The following SLC9C1 variants were observed in gnomAD, a reference collection of about 807,000 sequenced individuals.
The protein encoded by SLC9C1 is sodium/hydrogen exchanger 10.
In SLC9C1, 97 loss-of-function variants were observed where a neutral mutation model predicts 140.9. The ratio of observed to expected loss-of-function variants is 0.69; its 90% CI spans 0.58 to 0.82. SLC9C1 has a LOEUF of 0.82. SLC9C1 is among the 40% of genes least tolerant of loss of function. The pLI, the probability that SLC9C1 is intolerant of heterozygous loss-of-function variation, is 0.00. For missense variants in SLC9C1, 1,340 were observed against 1,389.3 expected, an observed-to-expected ratio of 0.96 and a Z score of 0.56; for synonymous variants, 440 against 442.6, an observed-to-expected ratio of 0.99 and a Z score of 0.07.
chr3:112,209,122 G>C (rs1157612134), intron 15 of SLC9C1, among the ~76,000 whole-genome samples: 1 of 152,112 alleles, frequency 6.6e-6, no homozygotes, highest in Non-Finnish European at 1.5e-5. Context: ...ATTGCCGATT[G>C]AAGACTGGGT....
intron 14 of SLC9C1, among the ~76,000 whole-genome samples, chr3:112,220,065 A>C (rs2078498742): frequency 6.6e-6 from 1 of 152,158 alleles, no homozygotes; most frequent in African/African-American, 2.4e-5. Flanking sequence ...AAAGCATTGG[A>C]AGTGCCTGGA....
intron 20 of SLC9C1, 106 bp from the exon 21 acceptor site, chr3:112,182,364 T>C (rs2077454706): frequency 2.5e-6 from 3 of 1,221,846 alleles, no homozygotes; most frequent in South Asian, 2.4e-5. Context: ...ATTTGACATT[T>C]TTCTTCTTCC....
intron 13 of SLC9C1, among the ~76,000 whole-genome samples, chr3:112,231,053 A>G (rs761131142): frequency 1.3e-5 from 2 of 152,182 alleles, no homozygotes; most frequent in Non-Finnish European, 2.9e-5. Context: ...CCAATTCTTC[A>G]TAAATAAATC....
intron 20 of SLC9C1, among the ~76,000 whole-genome samples, chr3:112,184,622 C>T (rs1446427940): frequency 2.6e-5 from 4 of 152,178 alleles, no homozygotes; most frequent in East Asian, 1.9e-4. Flanking sequence ...GGCGACAGAG[C>T]GAGACTCCAT....
chr3:112,288,126 ACACACACG>A (rs2080572647), intron 1 of SLC9C1, among the ~76,000 whole-genome samples: 2 of 151,378 alleles, frequency 1.3e-5, no homozygotes, highest in South Asian at 4.1e-4. Context: ...TCAGTTTCAT[ACACACACG>A]CACACACACA....
At chr3:112,161,999 T>C (rs1465942400) in intron 26 of SLC9C1, among the ~76,000 whole-genome samples, 1 of 152,166 alleles carries the variant, frequency 6.6e-6, no homozygotes, top group African/African-American at 2.4e-5. Context: ...CCTTGTAAGT[T>C]GGATTCCTAG....
intron 4 of SLC9C1, 23 bp from the exon 5 acceptor site, chr3:112,277,883 G>A (rs9809174): frequency 0.28 from 437,585 of 1,567,460 alleles, 62,378 homozygotes; most frequent in Admixed American, 0.37. Flanking sequence ...TTTACAATTA[G>A]AAAAATCAGA....
In SLC9C1 at chr3:112,217,449, G is replaced by A. The variant is rs757399240; in HGVS notation, c.1783C>T (p.Pro595Ser). Reference sequence around the variant, plus strand: ...AGGTTCAAAAGCACTTACTTTGATGGGCCCTCTTTTTCCTTTCTGGTATTA... The same window carrying A: ...AGGTTCAAAAGCACTTACTTTGATGAGCCCTCTTTTTCCTTTCTGGTATTA... The part of the protein sequence containing the change: ...VYNTRKEKEG[P>S]SKYFFFRICH... The change falls in exon 15 of 29, where the codon CCA becomes TCA. Residue 595 changes from proline (P) to serine (S), a missense_variant. By Grantham distance (74) the Pro-to-Ser change is moderately conservative. Coordinates refer to ENST00000305815, the MANE Select transcript of SLC9C1 (RefSeq NM_183061.3). 2 of 1,585,350 alleles carry A rather than the reference G, an allele frequency of 1.3e-6. No individual in the cohort carries two copies. The highest frequency in any genetic ancestry group is 1.7e-6 in the Non-Finnish European group (2 of 1,171,344).
intron 15 of SLC9C1, among the ~76,000 whole-genome samples, chr3:112,210,800 G>T (rs1186272830): frequency 6.6e-6 from 1 of 152,046 alleles, no homozygotes; most frequent in African/African-American, 2.4e-5. Context: ...ACACTCATCA[G>T]TCTCCTCTGA....
chr3:112,241,180 A>G (rs183549242), intron 11 of SLC9C1, among the ~76,000 whole-genome samples: 31 of 152,330 alleles, frequency 2.0e-4, no homozygotes, highest in Admixed American at 2.0e-3. Context: ...TTAAAGAGCA[A>G]TTGAATTATT....
chr3:112,170,415 G>T (rs1041672411), intron 23 of SLC9C1, among the ~76,000 whole-genome samples: 1 of 152,068 alleles, frequency 6.6e-6, no homozygotes, highest in African/African-American at 2.4e-5. Context: ...TTGGCCATTT[G>T]TATGTCTTCT....
At chr3:112,240,037 T>C (rs1226335180) in intron 11 of SLC9C1, 31 bp from the exon 12 acceptor site, 2 of 1,563,648 alleles carry the variant, frequency 1.3e-6, no homozygotes, top group Non-Finnish European at 1.7e-6. Context: ...TGATAAATAG[T>C]AGAAACACCA....
chr3:112,256,438 G>T (rs780520674), intron 10 of SLC9C1, among the ~76,000 whole-genome samples: 1 of 152,060 alleles, frequency 6.6e-6, no homozygotes. Flanking sequence ...ATAAATAAAT[G>T]TTATTGATCA....
chr3:112,198,817 CT>C (rs572176851), intron 20 of SLC9C1, among the ~76,000 whole-genome samples: 2 of 150,454 alleles, frequency 1.3e-5, no homozygotes, highest in African/African-American at 2.4e-5. Context: ...CAGGTTTATG[CT>C]TTTTTTTTCT....
At chr3:112,279,641 G>A (rs150394590) in intron 3 of SLC9C1, among the ~76,000 whole-genome samples, 28 of 152,280 alleles carry the variant, frequency 1.8e-4, no homozygotes, top group Non-Finnish European at 3.5e-4. Context: ...AGGCAAGAGA[G>A]CAGATGAGCT....
At chr3:112,230,225 C>A (rs966440688) in intron 13 of SLC9C1, among the ~76,000 whole-genome samples, 5 of 152,102 alleles carry the variant, frequency 3.3e-5, no homozygotes, top group Admixed American at 3.3e-4. Flanking sequence ...TCCTCTCATT[C>A]CTGCTGACTC....
At chr3:112,196,387 T>C (rs187671918) in intron 20 of SLC9C1, among the ~76,000 whole-genome samples, 2 of 152,204 alleles carry the variant, frequency 1.3e-5, no homozygotes, top group East Asian at 1.9e-4. Flanking sequence ...TTCATCCTAC[T>C]TGGAATTTGT....
chr3:112,290,439 T>A (rs1055832239), intron 1 of SLC9C1, among the ~76,000 whole-genome samples: 9 of 152,226 alleles, frequency 5.9e-5, no homozygotes, highest in African/African-American at 1.7e-4. Flanking sequence ...TGATTTCAGT[T>A]CTTTTGCATT....
intron 9 of SLC9C1, among the ~76,000 whole-genome samples, chr3:112,263,345 T>C (rs993162426): frequency 2.0e-4 from 30 of 151,924 alleles, no homozygotes; most frequent in Non-Finnish European, 7.4e-5. Flanking sequence ...TACATCATCC[T>C]TGAGTGGTGC....
Sources: gnomAD v4.1 joint callset for allele counts (sites outside exome capture counted in the v4.1 genomes callset) on GRCh38, gnomAD v4.1.1 for gene constraint, MANE v1.5 for transcripts, NCBI Gene and HGNC (gene_info 2026-07-23, HGNC 2026-07-21) for gene names.